The following MYO16 variants were observed in gnomAD, a reference collection of about 807,000 sequenced individuals.
The protein encoded by MYO16 is myosin XVI.
A neutral mutation model predicts 205.3 loss-of-function variants in MYO16; 94 were observed. The ratio of observed to expected loss-of-function variants is 0.46; its 90% confidence interval spans 0.39 to 0.54. MYO16 has a LOEUF of 0.54. MYO16 is among the 20% of genes least tolerant of loss of function. The probability of loss-of-function intolerance (pLI) is 0.00; values close to 1 mark genes in which losing one functional copy is unlikely to be tolerated. For synonymous variants in MYO16, 988 were observed against 954.0 expected, an observed-to-expected ratio of 1.04 and a Z score of -0.66; for missense variants, 2,315 against 2,387.5, an observed-to-expected ratio of 0.97 and a Z score of 0.63.
the MYO16 span, among the ~76,000 whole-genome samples, chr13:108,539,183 G>T: frequency 1.4e-4 from 22 of 152,170 alleles, no homozygotes; most frequent in African/African-American, 5.3e-4. Flanking sequence ...ATCAGTATTT[G>T]CCAAAAATTC....
the MYO16 span, among the ~76,000 whole-genome samples, chr13:108,542,609 GA>G: frequency 6.6e-6 from 1 of 152,028 alleles, no homozygotes; most frequent in African/African-American, 2.4e-5. Flanking sequence ...CCTTTATTTT[GA>G]AATCTTACAT....
intron 7 of MYO16, among the ~76,000 whole-genome samples, chr13:108,807,876 G>A (rs1887162422): frequency 6.6e-6 from 1 of 152,028 alleles, no homozygotes; most frequent in South Asian, 2.1e-4. Flanking sequence ...AATGATAAAA[G>A]AAAATTAATT....
chr13:108,688,375 T>C (rs1321903463), intron 2 of MYO16, among the ~76,000 whole-genome samples: 2 of 152,236 alleles, frequency 1.3e-5, no homozygotes, highest in Non-Finnish European at 2.9e-5. Flanking sequence ...TGGTAGATCA[T>C]ATGAATACGA....
chr13:109,140,642 C>G lies in MYO16; in HGVS notation c.4430C>G (p.Ala1477Gly). 6.6e-7 allele frequency: 1 copy of G among 1,513,148 alleles called. No homozygotes were observed. Among genetic ancestry groups the G allele is most frequent in the Non-Finnish European group, 8.8e-7 (1 of 1,134,902 alleles). The allele number at this position is 1,513,148 out of a possible 1,614,324, so 93.7% of individuals were successfully genotyped here. Reference sequence around the variant, plus strand: ...GCGGGCTCCTTCCTGCTCCACGGCGCATCGCCGCCCCTGCTCCACCGCGCG... The same window carrying G: ...GCGGGCTCCTTCCTGCTCCACGGCGGATCGCCGCCCCTGCTCCACCGCGCG... ...PGAGSFLLHG[A>G]SPPLLHRAPE... The change falls in exon 32 of 35, where the codon GCA (alanine) becomes GGA (glycine). Residue 1477 changes from alanine to glycine, a missense_variant. Physicochemically the swap from Ala to Gly is moderately conservative, Grantham distance 60. Coordinates refer to ENST00000457511, the MANE Select transcript of MYO16 (RefSeq NM_001198950.3). The surrounding 1 kb of genome is among the most constrained non-coding windows in gnomAD (Gnocchi z 8.0).
At chr13:108,501,219 G>A in the MYO16 span, among the ~76,000 whole-genome samples, 4 of 152,140 alleles carry the variant, frequency 2.6e-5, no homozygotes, top group Non-Finnish European at 5.9e-5. Flanking sequence ...CTGTGTGTCT[G>A]GATTGGGTTG....
At chr13:108,861,844 T>C (rs953612145) in intron 11 of MYO16, among the ~76,000 whole-genome samples, 1 of 139,598 alleles carries the variant, frequency 7.2e-6, no homozygotes, top group Admixed American at 7.3e-5. Flanking sequence ...CACGATATTC[T>C]TTTTGTTGTG....
chr13:109,200,267 A>C (rs1216960205), intron 34 of MYO16, among the ~76,000 whole-genome samples: 1 of 152,226 alleles, frequency 6.6e-6, no homozygotes, highest in Non-Finnish European at 1.5e-5. Context: ...CAATAAAATA[A>C]GATGTTAGCA....
chr13:109,116,006 C>A lies in MYO16; in HGVS notation c.3439-4364C>A, dbSNP rs554928301. Among the ~76,000 whole-genome samples, 19 of 152,078 alleles carry A rather than the reference C, an allele frequency of 1.2e-4. 1 individual carries two copies. In the East Asian group the frequency reaches 3.7e-3, roughly 29 times the overall value. On this transcript the variant is annotated intron_variant, in intron 28 of 34. Transcript: ENST00000457511. ...ACAAACAAAAAACAGCAAAGTCAAA[C>A]AAATGCTAAAACATCCAATGAGTAT...
chr13:108,681,307 G>A (rs1882452323), intron 2 of MYO16, among the ~76,000 whole-genome samples: 1 of 152,204 alleles, frequency 6.6e-6, no homozygotes, highest in African/African-American at 2.4e-5. Context: ...CCACTAAGGA[G>A]TTTCAGTAAA....
chr13:108,655,633 G>A (rs1263288711), intron 1 of MYO16, among the ~76,000 whole-genome samples: 1 of 152,086 alleles, frequency 6.6e-6, no homozygotes, highest in Non-Finnish European at 1.5e-5. Flanking sequence ...CACACACCTG[G>A]AAAAGTCGCA....
At chr13:109,015,741 A>G (rs1885788733) in intron 22 of MYO16, among the ~76,000 whole-genome samples, 1 of 152,058 alleles carries the variant, frequency 6.6e-6, no homozygotes, top group African/African-American at 2.4e-5. Flanking sequence ...TTTCTAGTTT[A>G]TTTGCACAGA....
intron 27 of MYO16, among the ~76,000 whole-genome samples, chr13:109,089,164 G>C (rs999100447): frequency 6.6e-5 from 10 of 151,116 alleles, no homozygotes; most frequent in African/African-American, 1.9e-4. Flanking sequence ...GAATAGCATA[G>C]AGTCTTGCCT....
At chr13:108,648,926 A>C (rs1174359646) in intron 1 of MYO16, among the ~76,000 whole-genome samples, 1 of 151,444 alleles carries the variant, frequency 6.6e-6, no homozygotes, top group Admixed American at 6.6e-5. Context: ...CTCTCTCTGC[A>C]TCTCTTTCTC....
chr13:108,528,942 A>C, the MYO16 span, among the ~76,000 whole-genome samples: 1 of 151,914 alleles, frequency 6.6e-6, no homozygotes, highest in Admixed American at 6.6e-5. Context: ...CCAGGTTGGA[A>C]GTGACGACTC....
chr13:108,672,501 T>A (rs1479824530), intron 2 of MYO16, among the ~76,000 whole-genome samples: 1 of 152,140 alleles, frequency 6.6e-6, no homozygotes, highest in Non-Finnish European at 1.5e-5. Flanking sequence ...AGGTTTATAG[T>A]ATGTCATTTA....
chr13:108,875,392 G>A (rs1594362144), intron 12 of MYO16, among the ~76,000 whole-genome samples: 1 of 152,236 alleles, frequency 6.6e-6, no homozygotes, highest in East Asian at 1.9e-4. Flanking sequence ...TGCATAAGTG[G>A]AAATCCTCAA....
intron 6 of MYO16, among the ~76,000 whole-genome samples, chr13:108,800,560 A>G (rs1886941025): frequency 6.6e-6 from 1 of 152,196 alleles, no homozygotes; most frequent in African/African-American, 2.4e-5. Flanking sequence ...GATATGATTT[A>G]TAGTATTTTC....
chr13:108,700,168 A>G (rs984248812), intron 2 of MYO16, among the ~76,000 whole-genome samples: 6 of 151,984 alleles, frequency 3.9e-5, no homozygotes, highest in Admixed American at 6.6e-5. Context: ...CCCTTTCTCT[A>G]CTAAAAATAC....
intron 9 of MYO16, among the ~76,000 whole-genome samples, chr13:108,838,997 G>A (rs1166495240): frequency 6.6e-6 from 1 of 151,982 alleles, no homozygotes; most frequent in Non-Finnish European, 1.5e-5. Flanking sequence ...ACCTATAACA[G>A]GATACCTAAA....
Sources: gnomAD v4.1 joint callset for allele counts (sites outside exome capture counted in the v4.1 genomes callset) on GRCh38, gnomAD v4.1.1 for gene constraint, Gnocchi (gnomAD v3.1) non-coding constraint, MANE v1.5 for transcripts, NCBI Gene and HGNC (gene_info 2026-07-23, HGNC 2026-07-21) for gene names.